Variants in MARCHF10 observed in about 807,000 individuals in gnomAD.
MARCHF10 encodes membrane associated ring-CH-type finger 10.
MARCHF10 carries 64 observed loss-of-function variants against 76.2 expected under a neutral mutation model. That is an observed-to-expected ratio of 0.84 (90% confidence interval 0.69 to 1.03). The LOEUF (loss-of-function observed/expected upper bound fraction) is 1.03. Among genes scored for constraint, MARCHF10 ranks in the 50% least tolerant of loss-of-function variants. MARCHF10 has a pLI of 0.00. For missense variants in MARCHF10, 875 were observed against 958.0 expected, an observed-to-expected ratio of 0.91 and a Z score of 1.14; for synonymous variants, 340 against 357.5, an observed-to-expected ratio of 0.95 and a Z score of 0.55.
chr17:62,702,087 C>G (rs1373157592), intron 10 of MARCHF10, among the ~76,000 whole-genome samples: 1 of 152,138 alleles, frequency 6.6e-6, no homozygotes, highest in East Asian at 1.9e-4. Flanking sequence ...GGGTAAGGCC[C>G]CACTTGAACC....
At chr17:62,719,806 C>CA (rs755656394) in intron 8 of MARCHF10, among the ~76,000 whole-genome samples, 2 of 152,104 alleles carry the variant, frequency 1.3e-5, no homozygotes, top group Non-Finnish European at 2.9e-5. Context: ...GTGTCTATTA[C>CA]ACCTTTTGGA....
chr17:62,786,391 G>C (rs1198204179), intron 3 of MARCHF10, among the ~76,000 whole-genome samples: 1 of 151,704 alleles, frequency 6.6e-6, no homozygotes, highest in Admixed American at 6.6e-5. Flanking sequence ...ATGGGGTGGG[G>C]GGCTGGGGGA....
intron 2 of MARCHF10, among the ~76,000 whole-genome samples, chr17:62,798,160 C>T (rs773589320): frequency 6.6e-6 from 1 of 151,946 alleles, no homozygotes; most frequent in Non-Finnish European, 1.5e-5. Flanking sequence ...TGAACCATAG[C>T]AGAGGATGAG....
At chr17:62,782,200 T>C (rs1036766694) in intron 3 of MARCHF10, among the ~76,000 whole-genome samples, 3 of 152,108 alleles carry the variant, frequency 2.0e-5, no homozygotes, top group African/African-American at 7.2e-5. Context: ...TTTTGAGACA[T>C]GCCAGCCTTC....
chr17:62,765,439 A>G (rs1200988724), intron 3 of MARCHF10, among the ~76,000 whole-genome samples: 1 of 150,660 alleles, frequency 6.6e-6, no homozygotes, highest in African/African-American at 2.5e-5. Context: ...CCTGTCTACC[A>G]TCGAGTTCCA....
intron 3 of MARCHF10, among the ~76,000 whole-genome samples, chr17:62,773,500 T>C (rs1344547690): frequency 1.3e-5 from 2 of 151,604 alleles, no homozygotes; most frequent in Admixed American, 6.6e-5. Context: ...GGGGAAGAAA[T>C]AAGTGGAGGG....
intron 3 of MARCHF10, among the ~76,000 whole-genome samples, chr17:62,786,776 A>C (rs1420029182): frequency 2.6e-5 from 4 of 152,220 alleles, no homozygotes; most frequent in Admixed American, 1.3e-4. Flanking sequence ...GAAAAGGAAC[A>C]TAAAACTTCA....
rs16946474 is a variant in MARCHF10, at chr17:62,776,961, C to T, written c.210+11519G>A. ...TGGCTACTCTGGTCACCACTTGTTCCGGGGTTTCAAGAGGGTCTGATCATA... is the reference window on the plus strand; with the variant it reads ...TGGCTACTCTGGTCACCACTTGTTCTGGGGTTTCAAGAGGGTCTGATCATA... On this transcript the variant is annotated intron_variant, in intron 3 of 10. Coordinates refer to ENST00000311269, the MANE Select transcript of MARCHF10 (RefSeq NM_152598.4). Among the ~76,000 whole-genome samples, 1,028 of 152,216 alleles carry T rather than the reference C, an allele frequency of 6.8e-3. 27 individuals are homozygous for T. The highest frequency in any genetic ancestry group is 0.039 in the Admixed American group (594 of 15,264).
chr17:62,795,356 CAAAAAAAAAAA>C (rs61564298), intron 2 of MARCHF10, among the ~76,000 whole-genome samples: 687 of 52,964 alleles, frequency 0.013, 12 homozygotes, highest in Admixed American at 0.025. Flanking sequence ...ATCATTTGAT[CAAAAAAAAAAA>C]AAAAAAAAAA....
At chr17:62,764,312 T>C (rs1176982190) in intron 3 of MARCHF10, among the ~76,000 whole-genome samples, 2 of 152,188 alleles carry the variant, frequency 1.3e-5, no homozygotes, top group African/African-American at 2.4e-5. Flanking sequence ...ATGCCATTTC[T>C]GTCCCTCCCC....
At chr17:62,747,121 T>A in intron 4 of MARCHF10, 1 of 653,008 alleles carries the variant, frequency 1.5e-6, no homozygotes, top group Non-Finnish European at 2.7e-6. Flanking sequence ...TCAGCCAGTC[T>A]ACACGTTGCC....
intron 2 of MARCHF10, among the ~76,000 whole-genome samples, chr17:62,793,469 C>T (rs1598057414): frequency 2.2e-5 from 3 of 138,528 alleles, no homozygotes; most frequent in Non-Finnish European, 3.1e-5. Flanking sequence ...ACCATCACCA[C>T]CACCATCACC....
chr17:62,739,858 A>G (rs529226641), intron 5 of MARCHF10, among the ~76,000 whole-genome samples: 1 of 152,306 alleles, frequency 6.6e-6, no homozygotes, highest in Non-Finnish European at 1.5e-5. Flanking sequence ...CTGGAAGCTC[A>G]ACGGGAGCCA....
chr17:62,701,405 C>G lies in MARCHF10; in HGVS notation c.*298G>C. 2.0e-6 allele frequency: 1 copy of G among 507,664 alleles called. No homozygotes were observed. The highest frequency in any genetic ancestry group is 3.6e-5 in the East Asian group (1 of 27,600). The allele number at this position is 507,664 out of a possible 1,614,324, so 31.4% of individuals were successfully genotyped here. On this transcript the variant is annotated 3_prime_UTR_variant, in exon 11 of 11. Coordinates refer to ENST00000311269, the MANE Select transcript of MARCHF10 (RefSeq NM_152598.4). ...TGGCAGGTGCCCTCAGCAGTGGGACCCCAGGCCACTGGACCTGGCAGGGCT... is the reference window on the plus strand; with the variant it reads ...TGGCAGGTGCCCTCAGCAGTGGGACGCCAGGCCACTGGACCTGGCAGGGCT...
intron 2 of MARCHF10, among the ~76,000 whole-genome samples, chr17:62,791,654 A>G (rs2092844856): frequency 6.6e-6 from 1 of 152,246 alleles, no homozygotes; most frequent in Non-Finnish European, 1.5e-5. Context: ...ACGTAAATCA[A>G]ACATGAATCC....
At chr17:62,744,161 C>T (rs996741215) in intron 5 of MARCHF10, among the ~76,000 whole-genome samples, 3 of 152,134 alleles carry the variant, frequency 2.0e-5, no homozygotes, top group African/African-American at 7.2e-5. Context: ...CCCGACCCCG[C>T]CTTCCCCTTT....
At chr17:62,770,821 G>A (rs541897636) in intron 3 of MARCHF10, among the ~76,000 whole-genome samples, 292 of 149,310 alleles carry the variant, frequency 2.0e-3, no homozygotes, top group African/African-American at 6.9e-3. Flanking sequence ...GATTACAGGC[G>A]TGAGCCACCG....
At chr17:62,798,733 G>A (rs959160500) in intron 2 of MARCHF10, among the ~76,000 whole-genome samples, 11 of 152,306 alleles carry the variant, frequency 7.2e-5, no homozygotes, top group African/African-American at 2.6e-4. Flanking sequence ...AGAAGGACAC[G>A]ATGTCTACAG....
intron 6 of MARCHF10, among the ~76,000 whole-genome samples, chr17:62,729,152 A>T (rs575882416): frequency 2.6e-5 from 4 of 151,866 alleles, no homozygotes; most frequent in African/African-American, 9.7e-5. Context: ...CATGTTGCCC[A>T]GGCTGGTCTT....
Sources: allele counts gnomAD v4.1 joint callset (sites outside exome capture counted in the v4.1 genomes callset), GRCh38; gene constraint gnomAD v4.1.1; transcripts MANE v1.5; gene names NCBI Gene and HGNC (gene_info 2026-07-23, HGNC 2026-07-21).